Variants in ADAP1 observed in about 807,000 individuals in gnomAD.
The protein encoded by ADAP1 is arf-GAP with dual PH domain-containing protein 1.
In ADAP1, 31 loss-of-function variants were observed where a neutral mutation model predicts 54.9. That is an observed-to-expected ratio of 0.56 (90% confidence interval 0.42 to 0.76). ADAP1 has a LOEUF of 0.76. Among genes scored for constraint, ADAP1 ranks in the 30% least tolerant of loss-of-function variants. The pLI is 0.00. For missense variants in ADAP1, 535 were observed against 512.4 expected (o/e 1.04, Z -0.42); for synonymous variants, 313 against 202.6 (o/e 1.55, Z -4.63).
chr7:948,002 C>T lies in ADAP1; in HGVS notation c.82+6394G>A, dbSNP rs372820445. 3.0e-3 allele frequency among the ~76,000 whole-genome samples: 458 copies of T among 152,044 alleles called. 2 individuals are homozygous for T. The highest frequency in any genetic ancestry group is 0.011 in the African/African-American group (438 of 41,452). Reference sequence around the variant, plus strand: ...CGACACCACCAGCCCCTTTACCCCACTCCCTCTTCCGGAGGGGCCGTCTCC... The same window carrying T: ...CGACACCACCAGCCCCTTTACCCCATTCCCTCTTCCGGAGGGGCCGTCTCC... On this transcript the variant is annotated intron_variant, in intron 1 of 10. Coordinates refer to ENST00000265846, the MANE Select transcript of ADAP1 (RefSeq NM_006869.4).
At chr7:907,681 T>C (rs1845529863) in intron 4 of ADAP1, among the ~76,000 whole-genome samples, 1 of 152,212 alleles carries the variant, frequency 6.6e-6, no homozygotes, top group African/African-American at 2.4e-5. Context: ...CAGCTTCTTC[T>C]ATGGCCCTGG....
intron 1 of ADAP1, among the ~76,000 whole-genome samples, chr7:943,867 GAAGAGAGAGAAGAGGAGA>G (rs1194772476): frequency 3.3e-5 from 5 of 151,360 alleles, no homozygotes; most frequent in Non-Finnish European, 7.4e-5. Flanking sequence ...AGAGGAGGAG[GAAGAGAGAGAAGAGGAGA>G]AAGAGAGAAA....
intron 6 of ADAP1, 42 bp from the exon 7 acceptor site, chr7:900,658 C>A: frequency 6.7e-7 from 1 of 1,482,532 alleles, no homozygotes; most frequent in Non-Finnish European, 9.0e-7. Context: ...GAGGAGGCTG[C>A]AGCGCTGGGG....
intron 4 of ADAP1, 42 bp downstream of exon 4, chr7:919,926 G>GAGGGAAAGAGATGGGGGAGGGAGGGAA: frequency 6.5e-7 from 1 of 1,531,798 alleles, no homozygotes; most frequent in East Asian, 2.3e-5. Context: ...GAGAGCCAGG[G>GAGGGAAAGAGATGGGGGAGGGAGGGAA]AGAGGTAGCC....
chr7:950,470 AAT>A, intron 1 of ADAP1, among the ~76,000 whole-genome samples: 1 of 148,318 alleles, frequency 6.7e-6, no homozygotes, highest in Middle Eastern at 3.4e-3. Context: ...TGGGCGACAG[AAT>A]GAGACTCTGC....
chr7:930,040 G>C (rs569325045), intron 2 of ADAP1, among the ~76,000 whole-genome samples: 103 of 142,070 alleles, frequency 7.2e-4, no homozygotes, highest in East Asian at 7.2e-3. Flanking sequence ...GGAGCTTGAG[G>C]CTGCACTGAG....
intron 2 of ADAP1, among the ~76,000 whole-genome samples, chr7:928,583 C>G (rs1185437159): frequency 2.0e-5 from 3 of 152,196 alleles, no homozygotes; most frequent in African/African-American, 7.2e-5. Context: ...AGAAGATGCA[C>G]AAATGGCCAC....
intron 4 of ADAP1, among the ~76,000 whole-genome samples, chr7:917,349 G>A (rs1234998874): frequency 2.0e-5 from 3 of 150,968 alleles, no homozygotes; most frequent in East Asian, 3.9e-4. Flanking sequence ...CGGGAGGGGG[G>A]CGCAGTGCCA....
chr7:901,551 C>A (rs1321809465), intron 6 of ADAP1, among the ~76,000 whole-genome samples: 1 of 152,206 alleles, frequency 6.6e-6, no homozygotes, highest in South Asian at 2.1e-4. Context: ...CGGCCCAGCA[C>A]CAGCTGGAGG....
chr7:930,589 G>T (rs1031033273), intron 2 of ADAP1, among the ~76,000 whole-genome samples: 4 of 151,502 alleles, frequency 2.6e-5, no homozygotes, highest in African/African-American at 7.3e-5. Flanking sequence ...GAGGCCGAGG[G>T]GGATGGATCA....
At chr7:935,602 G>T (rs947805977) in intron 1 of ADAP1, 97 bp from the exon 2 acceptor site, 4 of 1,442,254 alleles carry the variant, frequency 2.8e-6, no homozygotes, top group African/African-American at 1.5e-5. Context: ...GCCATGCAGT[G>T]GGGGGGGCTT....
At chr7:905,359 G>GGAAAGGGAAAGGGAAAGGA (rs1317497843) in intron 4 of ADAP1, 187 bp from the exon 5 acceptor site, 6 of 151,734 alleles carry the variant, frequency 4.0e-5, no homozygotes, top group South Asian at 6.2e-5. Flanking sequence ...AGATGGGCAG[G>GGAAAGGGAAAGGGAAAGGA]GAAAGGGAAA....
At chr7:952,118 G>A (rs1329546710) in intron 1 of ADAP1, among the ~76,000 whole-genome samples, 1 of 152,078 alleles carries the variant, frequency 6.6e-6, no homozygotes, top group Non-Finnish European at 1.5e-5. Flanking sequence ...TGCCAGGCCT[G>A]TGATGAGAGG....
intron 2 of ADAP1, among the ~76,000 whole-genome samples, chr7:928,638 G>A (rs1376349731): frequency 2.0e-5 from 3 of 152,218 alleles, no homozygotes; most frequent in African/African-American, 4.8e-5. Context: ...TCAGGGGAAC[G>A]CAGATGAAAA....
chr7:955,074 C>T (rs1472171859), upstream of ADAP1, among the ~76,000 whole-genome samples: 1 of 152,182 alleles, frequency 6.6e-6, no homozygotes, highest in Non-Finnish European at 1.5e-5. Context: ...CACACCATCC[C>T]TGCCTGGGAG....
At position 898,797 on chromosome 7, in the gene ADAP1, C is replaced by T. The variant is rs529438357; in HGVS notation, c.*124G>A. The T allele has an allele frequency of 1.4e-5, 19 of 1,371,328 alleles. No individual in the cohort carries two copies. The highest frequency in any genetic ancestry group is 6.0e-5 in the Admixed American group (3 of 49,670). The allele number at this position is 1,371,328 out of a possible 1,614,324, so 84.9% of individuals were successfully genotyped here. A position where few individuals can be genotyped will look rare whatever the true frequency, so the allele number is the denominator to read the frequency against. ...CTGAAGCTCGGGCCCTACCTGGCCG[C>T]GCCGGGCTGCCCTGAGGAGCAGGTG... On this transcript the variant is annotated 3_prime_UTR_variant, in exon 11 of 11. Coordinates refer to ENST00000265846, the MANE Select transcript of ADAP1 (RefSeq NM_006869.4).
At chr7:924,150 G>T (rs1318827222) in intron 3 of ADAP1, among the ~76,000 whole-genome samples, 1 of 93,210 alleles carries the variant, frequency 1.1e-5, no homozygotes, top group Non-Finnish European at 2.0e-5. Flanking sequence ...GGGTTACACT[G>T]CAGGTCCACG....
At chr7:899,010 C>CGCCG (rs1844644834) in intron 10 of ADAP1, 23 bp downstream of exon 10, 3 of 1,609,476 alleles carry the variant, frequency 1.9e-6, no homozygotes, top group Non-Finnish European at 8.5e-7. Flanking sequence ...CCTTCCAGGC[C>CGCCG]GCCGGCCGCC....
intron 8 of ADAP1, 147 bp from the exon 9 acceptor site, chr7:899,637 C>T (rs939633887): frequency 4.0e-5 from 35 of 866,282 alleles, no homozygotes; most frequent in Middle Eastern, 3.2e-4. Flanking sequence ...CCACGCCCCA[C>T]GAGGCCTCCG....
Sources: allele counts gnomAD v4.1 joint callset (sites outside exome capture counted in the v4.1 genomes callset), GRCh38; gene constraint gnomAD v4.1.1; transcripts MANE v1.5; gene names NCBI Gene and HGNC (gene_info 2026-07-23, HGNC 2026-07-21).